The following A1CF variants were observed in gnomAD, a reference collection of about 807,000 sequenced individuals.
A1CF encodes the protein APOBEC1 complementation factor, also known as APOBEC-1 stimulating protein.
A neutral mutation model predicts 68.9 loss-of-function variants in A1CF; 48 were observed. The ratio of observed to expected loss-of-function variants is 0.70; its 90% CI spans 0.55 to 0.89. The LOEUF (loss-of-function observed/expected upper bound fraction) is 0.89. Among genes scored for constraint, A1CF ranks in the 40% least tolerant of loss-of-function variants. The pLI is 0.00. For synonymous variants in A1CF, 272 were observed against 260.4 expected (o/e 1.04, Z -0.43); for missense variants, 653 against 718.9 (o/e 0.91, Z 1.05).
chr10:50,836,422 T>C (rs957581486), intron 5 of A1CF, 110 bp from the exon 6 acceptor site: 10 of 1,226,936 alleles, frequency 8.2e-6, no homozygotes, highest in Admixed American at 2.7e-5. Flanking sequence ...TTTGGGTTCA[T>C]AGTGTTGAAA....
At chr10:50,884,059 C>A (rs1484385385) in intron 1 of A1CF, among the ~76,000 whole-genome samples, 1 of 152,208 alleles carries the variant, frequency 6.6e-6, no homozygotes, top group Admixed American at 6.5e-5. Flanking sequence ...CATGTGGTAA[C>A]AAAACCTGCT....
intron 3 of A1CF, among the ~76,000 whole-genome samples, chr10:50,845,751 C>T (rs1226429676): frequency 3.9e-5 from 6 of 151,998 alleles, no homozygotes; most frequent in African/African-American, 4.8e-5. Context: ...TCTAGGAGTT[C>T]GAGACCAGCC....
intron 1 of A1CF, among the ~76,000 whole-genome samples, chr10:50,869,440 C>T (rs190195231): frequency 1.3e-4 from 20 of 152,172 alleles, no homozygotes; most frequent in African/African-American, 4.8e-4. Context: ...AATTCAATTT[C>T]GAATGCATTA....
rs183253920 is a variant in A1CF, at chr10:50,865,591, C to G, written c.-93-1511G>C. Among the ~76,000 whole-genome samples, 161 of 152,296 alleles carry G rather than the reference C, an allele frequency of 1.1e-3. 1 individual carries two copies. Among genetic ancestry groups the G allele is most frequent in the African/African-American group, 3.4e-3 (140 of 41,558 alleles). On this transcript the variant is annotated intron_variant, in intron 1 of 12. Coordinates refer to ENST00000373997, the MANE Select transcript of A1CF (RefSeq NM_014576.4). ...CACATTGTCCCTTCAGGACTAGACC[C>G]TAGACTCCCCTTCCAGTGTCATTCA... is the stretch of plus-strand genomic sequence containing the variant.
intron 1 of A1CF, among the ~76,000 whole-genome samples, chr10:50,877,012 C>G (rs1589051462): frequency 1.3e-5 from 2 of 152,118 alleles, no homozygotes; most frequent in East Asian, 1.9e-4. Flanking sequence ...GACTGTTGTG[C>G]TATCTTTATT....
intron 1 of A1CF, among the ~76,000 whole-genome samples, chr10:50,875,315 T>G (rs886970336): frequency 6.6e-6 from 1 of 152,202 alleles, no homozygotes; most frequent in African/African-American, 2.4e-5. Context: ...AAATTCTGGC[T>G]CAAATGGTTT....
intron 6 of A1CF, among the ~76,000 whole-genome samples, chr10:50,834,565 G>A (rs1013449139): frequency 6.6e-6 from 1 of 152,178 alleles, no homozygotes; most frequent in Non-Finnish European, 1.5e-5. Flanking sequence ...TGAATAAAAG[G>A]TATTGAATAA....
chr10:50,819,868 G>C (rs188798857), intron 8 of A1CF, among the ~76,000 whole-genome samples: 1 of 152,022 alleles, frequency 6.6e-6, no homozygotes, highest in Non-Finnish European at 1.5e-5. Context: ...TGCTCACCAC[G>C]TTTATCTCTC....
At chr10:50,825,359 A>T (rs1210149909) in intron 7 of A1CF, among the ~76,000 whole-genome samples, 1 of 152,146 alleles carries the variant, frequency 6.6e-6, no homozygotes, top group African/African-American at 2.4e-5. Context: ...CAGTAATCCC[A>T]CAAAATGATA....
chr10:50,806,601 G>T lies in A1CF; in HGVS notation c.*128C>A. 2.5e-6 allele frequency: 2 copies of T among 800,806 alleles called. No individual in the cohort carries two copies. Among genetic ancestry groups the T allele is most frequent in the Non-Finnish European group, 3.7e-6 (2 of 547,396 alleles). The allele number at this position is 800,806 out of a possible 1,614,324, so 49.6% of individuals were successfully genotyped here. A position where few individuals can be genotyped will look rare whatever the true frequency, so the allele number is the denominator to read the frequency against. The stretch of plus-strand genomic sequence containing the variant: ...TTCTATAATTGGTATAAGCTATACA[G>T]TCTCTGGAAAGGCATTTCTTTAGGA... On this transcript the variant is annotated 3_prime_UTR_variant, in exon 13 of 13. Transcript: ENST00000373997.
At chr10:50,807,700 A>G (rs1233159890) in intron 12 of A1CF, among the ~76,000 whole-genome samples, 3 of 152,216 alleles carry the variant, frequency 2.0e-5, no homozygotes, top group African/African-American at 4.8e-5. Context: ...ATTTCTCTGT[A>G]TTGTTTTAGT....
At position 50,826,699 on chromosome 10, in the gene A1CF, C is replaced by G. The variant is rs572004717; in HGVS notation, c.769+1432G>C. Among the ~76,000 whole-genome samples, 10 of 152,124 alleles carry G rather than the reference C, an allele frequency of 6.6e-5. No homozygotes were observed. In the East Asian group the frequency reaches 1.5e-3, roughly 24 times the overall value. ...AACATGCCAAATTGTAAAGACCATC[C>G]AGGCTAGGAAGAAACTGCATCAACT... On this transcript the variant is annotated intron_variant, in intron 7 of 12. Coordinates refer to ENST00000373997, the MANE Select transcript of A1CF (RefSeq NM_014576.4).
At chr10:50,866,412 A>C (rs1781533048) in intron 1 of A1CF, among the ~76,000 whole-genome samples, 1 of 152,222 alleles carries the variant, frequency 6.6e-6, no homozygotes, top group South Asian at 2.1e-4. Flanking sequence ...ATTGGAATGA[A>C]TAGCTCACCT....
chr10:50,831,358 A>G (rs887123368), intron 6 of A1CF, among the ~76,000 whole-genome samples: 1 of 152,270 alleles, frequency 6.6e-6, no homozygotes, highest in African/African-American at 2.4e-5. Context: ...CAAAGCATAC[A>G]TTTGATAAGG....
chr10:50,820,502 ACAC>A lies in A1CF; in HGVS notation c.867+47_867+49del, dbSNP rs761379458. ...GACTGTGCTTTTGGATGTAATATCC[ACAC>A]CAAACTTGGATGTAATCTGCATATT... On this transcript the variant is annotated intron_variant, in intron 8 of 12. Transcript: ENST00000373997. 9 of 1,537,578 alleles carry A rather than the reference ACAC, an allele frequency of 5.9e-6. No homozygotes were observed. The African/African-American group carries it at 9.6e-5, about 16-fold the overall frequency.
At chr10:50,841,335 G>A (rs1246219122) in intron 5 of A1CF, among the ~76,000 whole-genome samples, 2 of 152,078 alleles carry the variant, frequency 1.3e-5, no homozygotes, top group African/African-American at 2.4e-5. Context: ...TTTCACTTCG[G>A]GAACTTTATA....
intron 5 of A1CF, 38 bp downstream of exon 5, chr10:50,841,824 G>T (rs1462843324): frequency 6.2e-7 from 1 of 1,607,190 alleles, no homozygotes; most frequent in South Asian, 1.1e-5. Flanking sequence ...CAGGTGCATT[G>T]TTTGTTTCAC....
At chr10:50,863,881 A>C (rs1440314688) in intron 2 of A1CF, among the ~76,000 whole-genome samples, 152 bp downstream of exon 2, 2 of 152,246 alleles carry the variant, frequency 1.3e-5, no homozygotes, top group African/African-American at 2.4e-5. Context: ...TGTTCCAAAC[A>C]TAAAGAGAAA....
At chr10:50,828,600 G>T in intron 6 of A1CF, 1 of 230,488 alleles carries the variant, frequency 4.3e-6, no homozygotes, top group Non-Finnish European at 8.5e-6. Context: ...ACACTCATTG[G>T]GTGAAGGTAG....
Sources: gnomAD v4.1 joint callset for allele counts (sites outside exome capture counted in the v4.1 genomes callset) on GRCh38, gnomAD v4.1.1 for gene constraint, MANE v1.5 for transcripts, NCBI Gene and HGNC (gene_info 2026-07-23, HGNC 2026-07-21) for gene names.